WWP1: variants seen among roughly 807,000 people sequenced by gnomAD.
WWP1 encodes WW domain containing E3 ubiquitin protein ligase 1.
Under a neutral mutation model 130.6 loss-of-function variants are expected in WWP1, and 49 were observed. The observed-to-expected ratio is 0.38, with a 90% confidence interval of 0.30 to 0.48. The LOEUF (loss-of-function observed/expected upper bound fraction) is 0.48. Ranked by LOEUF, WWP1 falls within the 20% of genes least tolerant of loss-of-function variation. WWP1 has a pLI of 0.99. For missense variants in WWP1, 809 were observed against 1,100.6 expected, an observed-to-expected ratio of 0.74 and a Z score of 3.75; for synonymous variants, 332 against 367.8, an observed-to-expected ratio of 0.90 and a Z score of 1.11.
At chr8:86,457,593 G>A (rs138630286) in intron 21 of WWP1, among the ~76,000 whole-genome samples, 17 of 151,474 alleles carry the variant, frequency 1.1e-4, no homozygotes, top group African/African-American at 2.7e-4. Flanking sequence ...ATGTGTGTGC[G>A]TGTGTGTGTA....
intron 21 of WWP1, 39 bp downstream of exon 21, chr8:86,452,718 T>TG (rs1268930327): frequency 1.2e-6 from 2 of 1,604,862 alleles, no homozygotes; most frequent in Non-Finnish European, 1.7e-6. Flanking sequence ...GGAATGTTAG[T>TG]GGGGGGAGGG....
chr8:86,366,681 T>C (rs1030810165), intron 1 of WWP1, among the ~76,000 whole-genome samples: 1 of 152,148 alleles, frequency 6.6e-6, no homozygotes, highest in Non-Finnish European at 1.5e-5. Flanking sequence ...TCAAGAGAGC[T>C]GTCTAGGCAG....
chr8:86,370,701 A>C (rs1266334793), intron 2 of WWP1, among the ~76,000 whole-genome samples: 3 of 152,136 alleles, frequency 2.0e-5, no homozygotes, highest in African/African-American at 7.2e-5. Context: ...GAGTTGGAAG[A>C]ATTTCTTCAT....
At chr8:86,384,236 TCAA>T in intron 5 of WWP1, among the ~76,000 whole-genome samples, 1 of 152,212 alleles carries the variant, frequency 6.6e-6, no homozygotes, top group East Asian at 1.9e-4. Flanking sequence ...GAGTAAAACT[TCAA>T]CATACGAATT....
At chr8:86,345,744 G>A (rs984583091) in intron 1 of WWP1, among the ~76,000 whole-genome samples, 1 of 152,030 alleles carries the variant, frequency 6.6e-6, no homozygotes, top group Non-Finnish European at 1.5e-5. Flanking sequence ...AGAACCTTCA[G>A]GTTCTTCTGT....
At chr8:86,460,831 A>G (rs1811725480) in intron 22 of WWP1, among the ~76,000 whole-genome samples, 1 of 63,344 alleles carries the variant, frequency 1.6e-5, no homozygotes. Flanking sequence ...TTTTTTTGAG[A>G]CAGAGTCTTG....
chr8:86,360,598 G>A (rs1823534448), intron 1 of WWP1, among the ~76,000 whole-genome samples: 1 of 152,146 alleles, frequency 6.6e-6, no homozygotes, highest in African/African-American at 2.4e-5. Flanking sequence ...GCACACCTTT[G>A]CCTCCAGAAT....
chr8:86,414,401 A>G (rs939753075), intron 9 of WWP1, among the ~76,000 whole-genome samples: 2 of 152,190 alleles, frequency 1.3e-5, no homozygotes, highest in Non-Finnish European at 1.5e-5. Context: ...GCCTGAAGTG[A>G]GGTAAATGCT....
intron 1 of WWP1, among the ~76,000 whole-genome samples, chr8:86,343,749 T>C (rs1822388164): frequency 6.6e-6 from 1 of 152,188 alleles, no homozygotes; most frequent in Non-Finnish European, 1.5e-5. Context: ...ATAAAATATT[T>C]TCCAGGGGCT....
chr8:86,390,201 A>G (rs1208345303), intron 5 of WWP1, among the ~76,000 whole-genome samples: 1 of 147,026 alleles, frequency 6.8e-6, no homozygotes, highest in African/African-American at 2.5e-5. Context: ...GGCGCTCCTC[A>G]CTTCCCAGAC....
At chr8:86,444,628 G>A (rs891680808) in intron 18 of WWP1, among the ~76,000 whole-genome samples, 4 of 152,180 alleles carry the variant, frequency 2.6e-5, no homozygotes, top group Non-Finnish European at 4.4e-5. Flanking sequence ...ATGGTCAACC[G>A]TCATATGTTA....
At position 86,461,793 on chromosome 8, in the gene WWP1, G is replaced by C. The variant is rs780854759; in HGVS notation, c.2616G>C (p.Lys872Asn). ...AELMGSNGPQKFCIEKVGKDT... is the reference protein window; with the variant it reads ...AELMGSNGPQNFCIEKVGKDT... ...GTGTAGGAAGTAATGGGCCTCAAAA[G>C]TTTTGCATTGAAAAAGTTGGCAAAG... is the stretch of plus-strand genomic sequence containing the variant. The change falls in exon 24 of 25, where the codon AAG becomes AAC. Residue 872 changes from lysine (K) to asparagine (N), a missense_variant. Physicochemically the swap from Lys to Asn is moderately conservative, Grantham distance 94. Around this residue, in one of 3 missense-constraint regions of WWP1, gnomAD observed 450 missense variants for 674.2 expected, o/e 0.67. Transcript: ENST00000517970. 6.8e-6 allele frequency: 11 copies of C among 1,613,922 alleles called. No homozygotes were observed. The highest frequency in any genetic ancestry group is 9.3e-6 in the Non-Finnish European group (11 of 1,179,918).
At chr8:86,416,973 C>T (rs1808925607) in intron 9 of WWP1, among the ~76,000 whole-genome samples, 1 of 152,160 alleles carries the variant, frequency 6.6e-6, no homozygotes, top group South Asian at 2.1e-4. Context: ...CTGGTCACCA[C>T]CACATTCTGG....
At chr8:86,445,976 CTTTTTTTTTTTTT>C (rs56731329) in intron 18 of WWP1, among the ~76,000 whole-genome samples, 1 of 84,984 alleles carries the variant, frequency 1.2e-5, no homozygotes, top group Non-Finnish European at 2.3e-5. Flanking sequence ...CTTTTCTTTT[CTTTTTTTTTTTTT>C]TTTTTTTTTG....
At chr8:86,450,087 A>G (rs977641459) in intron 20 of WWP1, among the ~76,000 whole-genome samples, 1 of 152,200 alleles carries the variant, frequency 6.6e-6, no homozygotes, top group African/African-American at 2.4e-5. Context: ...AGATACTGCT[A>G]TGTGGCTTTT....
At chr8:86,463,551 C>T (rs972628538) in intron 24 of WWP1, among the ~76,000 whole-genome samples, 5 of 152,022 alleles carry the variant, frequency 3.3e-5, no homozygotes, top group South Asian at 2.1e-4. Flanking sequence ...TGTGATCTGC[C>T]CGCCTTGGCC....
chr8:86,347,802 T>G (rs892596181), intron 1 of WWP1, among the ~76,000 whole-genome samples: 17 of 152,206 alleles, frequency 1.1e-4, no homozygotes, highest in African/African-American at 4.1e-4. Flanking sequence ...CTTCAAAAAT[T>G]TACATTTTTT....
chr8:86,392,489 T>G (rs1374995151), intron 5 of WWP1, among the ~76,000 whole-genome samples: 2 of 152,202 alleles, frequency 1.3e-5, no homozygotes, highest in Non-Finnish European at 2.9e-5. Context: ...AACCAAGAAC[T>G]TAGTTTTTGT....
At chr8:86,370,997 CTGGGATTA>C (rs1824265398) in intron 2 of WWP1, among the ~76,000 whole-genome samples, 1 of 148,262 alleles carries the variant, frequency 6.7e-6, no homozygotes, top group African/African-American at 2.5e-5. Context: ...TCCTGAGTAG[CTGGGATTA>C]CAGGCACCTG....
Sources: gnomAD v4.1 joint callset for allele counts (sites outside exome capture counted in the v4.1 genomes callset) on GRCh38, gnomAD v4.1.1 for gene constraint, gnomAD v4.1.1 regional missense constraint, MANE v1.5 for transcripts, NCBI Gene and HGNC (gene_info 2026-07-23, HGNC 2026-07-21) for gene names.